Variants in TUSC3 observed in about 807,000 individuals in gnomAD.
TUSC3 encodes the protein tumor suppressor candidate 3.
A neutral mutation model predicts 44.8 loss-of-function variants in TUSC3; 45 were observed. The observed-to-expected ratio is 1.00, with a 90% CI of 0.79 to 1.29. The LOEUF (loss-of-function observed/expected upper bound fraction) is 1.29. Ranked by LOEUF, TUSC3 falls within the 50% of genes most tolerant of loss-of-function variation. TUSC3 has a pLI of 0.00. For synonymous variants in TUSC3, 212 were observed against 152.9 expected, an observed-to-expected ratio of 1.39 and a Z score of -2.85; for missense variants, 519 against 437.9, an observed-to-expected ratio of 1.19 and a Z score of -1.65.
chr8:15,758,063 G>C, intron 10 of TUSC3: 5 of 1,368,306 alleles, frequency 3.7e-6, no homozygotes, highest in Non-Finnish European at 4.7e-6. Flanking sequence ...TCTACCAAAA[G>C]ACTGACACGT....
chr8:15,690,403 C>G (rs943663839), intron 6 of TUSC3, among the ~76,000 whole-genome samples: 4 of 151,960 alleles, frequency 2.6e-5, no homozygotes, highest in African/African-American at 9.7e-5. Context: ...AATATTAGAC[C>G]TTTGTCAAAT....
At chr8:15,777,976 G>A in the TUSC3 span, among the ~76,000 whole-genome samples, 6 of 151,840 alleles carry the variant, frequency 4.0e-5, no homozygotes, top group African/African-American at 1.5e-4. Flanking sequence ...AATAAAAAGA[G>A]CATTGAAAAA....
intron 1 of TUSC3, among the ~76,000 whole-genome samples, chr8:15,420,342 A>C (rs1237135066): frequency 1.3e-5 from 2 of 151,416 alleles, no homozygotes; most frequent in African/African-American, 4.8e-5. Flanking sequence ...ACTAAAAATA[A>C]AAAAAAATTA....
chr8:15,607,661 A>G (rs564311892), intron 1 of TUSC3, among the ~76,000 whole-genome samples: 2 of 152,244 alleles, frequency 1.3e-5, no homozygotes, highest in East Asian at 3.9e-4. Context: ...TGCTTGCTTT[A>G]TCGCAACTCC....
chr8:15,421,029 G>A (rs914331332), intron 1 of TUSC3, among the ~76,000 whole-genome samples: 9 of 152,102 alleles, frequency 5.9e-5, no homozygotes, highest in African/African-American at 1.4e-4. Flanking sequence ...CTTGAACTCT[G>A]CACTTATATA....
chr8:15,842,976 A>T, the TUSC3 span, among the ~76,000 whole-genome samples: 1 of 152,294 alleles, frequency 6.6e-6, no homozygotes, highest in Admixed American at 6.5e-5. Context: ...ACCATGAATG[A>T]TTATTGTTGT....
At chr8:15,610,259 A>G (rs1804703247) in intron 1 of TUSC3, among the ~76,000 whole-genome samples, 1 of 152,172 alleles carries the variant, frequency 6.6e-6, no homozygotes, top group Non-Finnish European at 1.5e-5. Flanking sequence ...TATTACCACA[A>G]GTATCAAATG....
At chr8:15,696,927 T>G (rs953757688) in intron 6 of TUSC3, among the ~76,000 whole-genome samples, 46 of 152,050 alleles carry the variant, frequency 3.0e-4, no homozygotes, top group African/African-American at 9.9e-4. Flanking sequence ...GGTCCTGGAC[T>G]TTTTTTTGTT....
At chr8:15,578,415 A>G (rs1803196680) in intron 1 of TUSC3, among the ~76,000 whole-genome samples, 1 of 118,548 alleles carries the variant, frequency 8.4e-6, no homozygotes, top group African/African-American at 3.5e-5. Context: ...GAATGCTTCC[A>G]GTTTTTGCCC....
rs557992556 is a variant in TUSC3 at position 15,598,824 on chromosome 8, T to C, written c.139-24256T>C. Among the ~76,000 whole-genome samples the C allele has an allele frequency of 9.9e-5, 15 of 151,964 alleles. 1 individual carries two copies. The South Asian group carries it at 3.1e-3, about 31-fold the overall frequency. On this transcript the variant is annotated intron_variant, in intron 1 of 10. Transcript: ENST00000503731. ...AATCTATTGTCTGGATGTACCAGTT[T>C]ATTTACCCATTCACTTACCAGAGGA...
chr8:15,678,473 T>C (rs528043194), intron 6 of TUSC3, among the ~76,000 whole-genome samples: 1 of 152,234 alleles, frequency 6.6e-6, no homozygotes, highest in South Asian at 2.1e-4. Context: ...TTTCGAGATA[T>C]GCCCTGGAAA....
chr8:15,440,535 A>C (rs1019038247), intron 1 of TUSC3, among the ~76,000 whole-genome samples: 8 of 152,222 alleles, frequency 5.3e-5, no homozygotes, highest in African/African-American at 1.9e-4. Context: ...GGGAGGGGCC[A>C]GAGGAGAATC....
the TUSC3 span, among the ~76,000 whole-genome samples, chr8:15,827,794 T>G: frequency 6.6e-6 from 1 of 152,114 alleles, no homozygotes; most frequent in Non-Finnish European, 1.5e-5. Context: ...TGAAGAGATT[T>G]AGAACTTCAA....
intron 1 of TUSC3, among the ~76,000 whole-genome samples, chr8:15,570,498 T>C (rs1171929588): frequency 6.6e-6 from 1 of 151,834 alleles, no homozygotes; most frequent in African/African-American, 2.4e-5. Context: ...GAAGAAGAAA[T>C]TGGAAATGAC....
At chr8:15,703,259 A>G (rs929654891) in intron 6 of TUSC3, among the ~76,000 whole-genome samples, 1 of 152,156 alleles carries the variant, frequency 6.6e-6, no homozygotes, top group African/African-American at 2.4e-5. Flanking sequence ...CTTGAGCCTA[A>G]TTAATTATAG....
At chr8:15,625,754 TC>T (rs1357906597) in intron 2 of TUSC3, among the ~76,000 whole-genome samples, 1 of 152,182 alleles carries the variant, frequency 6.6e-6, no homozygotes, top group African/African-American at 2.4e-5. Context: ...ATGAGAGTGT[TC>T]TAAAATTTCT....
chr8:15,521,180 C>T (rs149543003), intron 2 of TUSC3, among the ~76,000 whole-genome samples: 5 of 152,234 alleles, frequency 3.3e-5, no homozygotes, highest in Admixed American at 6.5e-5. Flanking sequence ...CTTTGCCTGC[C>T]GTTTATGTAT....
chr8:15,804,014 G>C, the TUSC3 span, among the ~76,000 whole-genome samples: 4,090 of 152,206 alleles, frequency 0.027, 190 homozygotes, highest in African/African-American at 0.092. Flanking sequence ...AAACATACGT[G>C]TGCATGTGTC....
intron 1 of TUSC3, among the ~76,000 whole-genome samples, chr8:15,546,574 T>C (rs376620753): frequency 2.0e-5 from 3 of 151,694 alleles, no homozygotes; most frequent in South Asian, 2.1e-4. Context: ...TTGCTCTTGT[T>C]GCCCAGGCTG....
Sources: allele counts gnomAD v4.1 joint callset (sites outside exome capture counted in the v4.1 genomes callset), GRCh38; gene constraint gnomAD v4.1.1; transcripts MANE v1.5; gene names NCBI Gene and HGNC (gene_info 2026-07-23, HGNC 2026-07-21).